The following ZMIZ2 variants were observed in gnomAD, a reference collection of about 807,000 sequenced individuals.
ZMIZ2 encodes the protein zinc finger MIZ domain-containing protein 2.
In ZMIZ2, 26 loss-of-function variants were observed where a neutral mutation model predicts 93.9. The observed-to-expected ratio is 0.28, with a 90% CI of 0.20 to 0.38. ZMIZ2 has a LOEUF of 0.38. ZMIZ2 is among the 10% of genes least tolerant of loss of function. The pLI, the probability that ZMIZ2 is intolerant of heterozygous loss-of-function variation, is 1.00. For synonymous variants in ZMIZ2, 485 were observed against 516.4 expected, an observed-to-expected ratio of 0.94 and a Z score of 0.82; for missense variants, 1,023 against 1,235.0, an observed-to-expected ratio of 0.83 and a Z score of 2.57.
In ZMIZ2 at chr7:44,768,251, T is replaced by C. The variant is rs1254520000; in HGVS notation, c.*628T>C. ...GTGGGGGAGCTACAAAGCACAACAA[T>C]GTACATAGTGTAGAAACACTAACAG... On this transcript the variant is annotated 3_prime_UTR_variant, in exon 19 of 19. Transcript: ENST00000309315. 1 of 156,278 alleles carries C rather than the reference T, an allele frequency of 6.4e-6. No individual in the cohort carries two copies. The highest frequency in any genetic ancestry group is 2.4e-5 in the African/African-American group (1 of 41,438). The allele number at this position is 156,278 out of a possible 1,614,324, so 9.7% of individuals were successfully genotyped here.
rs1791753019 is a variant in ZMIZ2 at position 44,766,751 on chromosome 7, C to T, written c.2655+88C>T. ...TCCAGGTGCGTTCTGGAAGGGAAGA[C>T]AGTGACCCCTCAGAGAGCCGGTCAG... On this transcript the variant is annotated intron_variant, in intron 18 of 18. Coordinates refer to ENST00000309315, the MANE Select transcript of ZMIZ2 (RefSeq NM_031449.4). The surrounding 1 kb of genome is among the most constrained non-coding windows in gnomAD (Gnocchi z 4.4). 2 of 1,559,860 alleles carry T rather than the reference C, an allele frequency of 1.3e-6. No homozygotes were observed. The highest frequency in any genetic ancestry group is 2.3e-5 in the East Asian group (1 of 44,142).
chr7:44,756,490 T>C lies in ZMIZ2; in HGVS notation c.116T>C (p.Leu39Pro), dbSNP rs1286170913. ...AGCGCCACTCAGCCGGCTGGATCGC[T>C]GTCTGTGGTCACTACTGTGTGGGGA... is the stretch of plus-strand genomic sequence containing the variant. ...QQSATQPAGS[L>P]SVVTTVWGVG... is the part of the protein sequence containing the mutation. The change falls in exon 3 of 19, where the codon CTG becomes CCG. Residue 39 changes from leucine to proline, a missense_variant. Leu to Pro is a moderately conservative substitution (Grantham distance 98). Around this residue, in one of 3 missense-constraint regions of ZMIZ2, gnomAD observed 656 missense variants for 777.1 expected, o/e 0.84. Coordinates refer to ENST00000309315, the MANE Select transcript of ZMIZ2 (RefSeq NM_031449.4). The C allele has an allele frequency of 6.2e-7, 1 of 1,613,964 alleles. No individual in the cohort carries two copies. The highest frequency in any genetic ancestry group is 1.3e-5 in the African/African-American group (1 of 74,936).
chr7:44,749,328 G>C (rs915641835), intron 1 of ZMIZ2, among the ~76,000 whole-genome samples: 1 of 152,076 alleles, frequency 6.6e-6, no homozygotes, highest in African/African-American at 2.4e-5. Context: ...GGGTTCTCCT[G>C]AGCGATGAAG....
intron 13 of ZMIZ2, among the ~76,000 whole-genome samples, 197 bp from the exon 14 acceptor site, chr7:44,764,222 C>T (rs1488185248): frequency 6.6e-6 from 1 of 152,208 alleles, no homozygotes; most frequent in Non-Finnish European, 1.5e-5. Context: ...CATGGCATTC[C>T]AGTCTCAGTG....
At chr7:44,759,170 C>A in intron 6 of ZMIZ2, 111 bp from the exon 7 acceptor site, 1 of 997,668 alleles carries the variant, frequency 1.0e-6, no homozygotes, top group Non-Finnish European at 1.4e-6. Flanking sequence ...TTCAAGGGAA[C>A]CAGGAAATCT....
At chr7:44,760,048 A>C in intron 7 of ZMIZ2, 103 bp from the exon 8 acceptor site, 1 of 1,120,370 alleles carries the variant, frequency 8.9e-7, no homozygotes, top group South Asian at 1.3e-5. Context: ...AATACAAGAG[A>C]GTGTAAAGAA....
At chr7:44,756,393 G>C in intron 2 of ZMIZ2, 32 bp from the exon 3 acceptor site, 6 of 1,613,764 alleles carry the variant, frequency 3.7e-6, no homozygotes, top group South Asian at 1.1e-5. Context: ...GTGGCTTCCT[G>C]ACCCAGGCCT....
chr7:44,752,553 T>C (rs1325143259), intron 1 of ZMIZ2, among the ~76,000 whole-genome samples: 8 of 152,196 alleles, frequency 5.3e-5, no homozygotes, highest in Admixed American at 5.2e-4. Flanking sequence ...CAATCACCAA[T>C]CTGTTCTCCA....
Position 44,762,913 on chromosome 7 carries a change from C to A in ZMIZ2, c.1629C>A (p.Arg543=). The change falls in exon 12 of 19, where the codon CGC becomes CGA. Residue 543 remains arginine (R), a synonymous_variant. Coordinates refer to ENST00000309315, the MANE Select transcript of ZMIZ2 (RefSeq NM_031449.4). The part of the protein sequence containing the change: ...SHLFVLQLVH[R]PSVRSVLQGL... ...TCTTCGTGCTGCAGCTAGTGCACCG[C>A]CCATCCGTCCGCTCGGTGCTGCAGG... 6.2e-7 allele frequency: 1 copy of A among 1,612,930 alleles called. No homozygotes were observed. Among genetic ancestry groups the A allele is most frequent in the Non-Finnish European group, 8.5e-7 (1 of 1,179,122 alleles).
chr7:44,763,662 T>A lies in ZMIZ2; in HGVS notation c.1860+249T>A. ...CTGCTTCATTCATGGGTTCAAGTTT[T>A]GAAAGGCATAAGATTGCAGGGTCCA... On this transcript the variant is annotated intron_variant, in intron 13 of 18. Transcript: ENST00000309315. This position sits in a 1 kb window ranked among gnomAD's most constrained non-coding sequence, Gnocchi z 5.6. 1.9e-6 allele frequency: 1 copy of A among 539,208 alleles called. No individual in the cohort carries two copies. Among genetic ancestry groups the A allele is most frequent in the Non-Finnish European group, 3.3e-6 (1 of 306,998 alleles). 33.4% of individuals were successfully genotyped at this position (539,208 alleles called of 1,614,324 possible). A position where few individuals can be genotyped will look rare whatever the true frequency, so the allele number is the denominator to read the frequency against.
chr7:44,759,098 A>C (rs865823880), intron 6 of ZMIZ2, among the ~76,000 whole-genome samples, 183 bp from the exon 7 acceptor site: 18 of 149,288 alleles, frequency 1.2e-4, no homozygotes, highest in Admixed American at 2.7e-4. Context: ...AAAAAAAAAA[A>C]AAAAAAAAAC....
intron 11 of ZMIZ2, among the ~76,000 whole-genome samples, chr7:44,762,559 G>T (rs547697931): frequency 6.6e-6 from 1 of 152,204 alleles, no homozygotes; most frequent in Non-Finnish European, 1.5e-5. Flanking sequence ...GCGAGCAGGG[G>T]GAACGTTCAA....
rs759589885 is a variant in ZMIZ2, at chr7:44,766,195, T to C, written c.2274T>C (p.Pro758=). ...GCTTCCTGGGGCCTGGAACTTTCCC[T>C]GAGTCCTTCCCACCCACCACGCCCA... ...GSSFLGPGTF[P]ESFPPTTPST... Residue 758 remains proline, a synonymous_variant, in exon 17 of 19, where the codon CCT becomes CCC. Transcript: ENST00000309315. This position sits in a 1 kb window ranked among gnomAD's most constrained non-coding sequence, Gnocchi z 4.4. 2.5e-6 allele frequency: 4 copies of C among 1,612,396 alleles called. No homozygotes were observed. The highest frequency in any genetic ancestry group is 3.4e-6 in the Non-Finnish European group (4 of 1,179,184).
rs1350518013 is a variant in ZMIZ2, at chr7:44,765,750, G to T, written c.2242+171G>T. 3 of 1,114,538 alleles carry T rather than the reference G, an allele frequency of 2.7e-6. No homozygotes were observed. Among genetic ancestry groups the T allele is most frequent in the Non-Finnish European group, 3.7e-6 (3 of 804,582 alleles). The allele number at this position is 1,114,538 out of a possible 1,614,324, so 69.0% of individuals were successfully genotyped here. On this transcript the variant is annotated intron_variant, in intron 16 of 18. Transcript: ENST00000309315. This position sits in a 1 kb window ranked among gnomAD's most constrained non-coding sequence, Gnocchi z 4.1. ...GCACCTCCAGCCCCTCCCATCTCAG[G>T]GACGTGGCGGTGAAGGCACAGTCTC... is the stretch of plus-strand genomic sequence containing the variant.
chr7:44,749,631 G>A (rs1583597926), intron 1 of ZMIZ2, among the ~76,000 whole-genome samples: 1 of 152,152 alleles, frequency 6.6e-6, no homozygotes, highest in Admixed American at 6.5e-5. Context: ...CTTCCCTAGT[G>A]CCAGGTGTCC....
At chr7:44,756,763 G>A in intron 3 of ZMIZ2, 184 bp from the exon 4 acceptor site, 1 of 820,716 alleles carries the variant, frequency 1.2e-6, no homozygotes. Context: ...TCTTCACCTA[G>A]CCTTCACAAA....
At position 44,763,149 on chromosome 7, in the gene ZMIZ2, G is replaced by A; in HGVS notation, c.1703-107G>A. 1 of 1,528,256 alleles carries A rather than the reference G, an allele frequency of 6.5e-7. No homozygotes were observed. Among genetic ancestry groups the A allele is most frequent in the Admixed American group, 1.8e-5 (1 of 55,416 alleles). The allele number at this position is 1,528,256 out of a possible 1,614,324, so 94.7% of individuals were successfully genotyped here. ...GTGGTTAGTTCCAGGTGGCCCCTCA[G>A]AGCTGTCAGTGGGTCAGTGACTGGG... On this transcript the variant is annotated intron_variant, in intron 12 of 18. Coordinates refer to ENST00000309315, the MANE Select transcript of ZMIZ2 (RefSeq NM_031449.4). This position sits in a 1 kb window ranked among gnomAD's most constrained non-coding sequence, Gnocchi z 5.6.
chr7:44,762,766 C>G, intron 11 of ZMIZ2, 115 bp from the exon 12 acceptor site: 1 of 681,054 alleles, frequency 1.5e-6, no homozygotes, highest in African/African-American at 1.8e-5. Flanking sequence ...TGCCCTCAGC[C>G]TTGTCCCTCC....
chr7:44,764,092 C>G (rs1034412255), intron 13 of ZMIZ2, among the ~76,000 whole-genome samples: 2 of 152,096 alleles, frequency 1.3e-5, no homozygotes, highest in African/African-American at 2.4e-5. Flanking sequence ...GAGCTGAGAT[C>G]GAGCCACTGC....
Sources: allele counts gnomAD v4.1 joint callset (sites outside exome capture counted in the v4.1 genomes callset), GRCh38; gene constraint gnomAD v4.1.1; regional missense constraint gnomAD v4.1.1; non-coding constraint Gnocchi (gnomAD v3.1); transcripts MANE v1.5; gene names NCBI Gene and HGNC (gene_info 2026-07-23, HGNC 2026-07-21).